The following AFF2 variants were observed in gnomAD, a reference collection of about 807,000 sequenced individuals.
AFF2 encodes the protein ALF transcription elongation factor 2.
AFF2 carries 14 observed loss-of-function variants against 76.9 expected under a neutral mutation model. The ratio of observed to expected loss-of-function variants is 0.18; its 90% CI spans 0.12 to 0.28. The LOEUF (loss-of-function observed/expected upper bound fraction) is 0.28. Ranked by LOEUF, AFF2 falls within the 10% of genes least tolerant of loss-of-function variation. The pLI is 1.00. For synonymous variants in AFF2, 398 were observed against 366.7 expected (o/e 1.09, Z -0.98); for missense variants, 868 against 1,001.1 (o/e 0.87, Z 1.79).
At chrX:148,837,598 T>C in intron 4 of AFF2, 49 bp from the exon 5 acceptor site, 1 of 800,847 alleles carries the variant, frequency 1.2e-6, no homozygotes, top group Non-Finnish European at 1.9e-6. Flanking sequence ...AGAAAGGGCT[T>C]GATTTTTTAA....
intron 3 of AFF2, among the ~76,000 whole-genome samples, chrX:148,778,407 G>C (rs185014385): frequency 9.0e-6 from 1 of 111,322 alleles, no homozygotes; most frequent in Non-Finnish European, 1.9e-5. Context: ...CTGTTGTTTG[G>C]AATGATTTCA....
chrX:148,903,399 A>C (rs1557281081), intron 8 of AFF2, among the ~76,000 whole-genome samples: 1 of 112,378 alleles, frequency 8.9e-6, no homozygotes, highest in Non-Finnish European at 1.9e-5. Context: ...GAAGAATCGA[A>C]GGAGATGAAA....
rs1557292802 is a variant in AFF2 at position 148,994,778 on chromosome X, T to A, written c.*3446T>A. The A allele has an allele frequency of 8.9e-6, 1 of 112,255 alleles. No homozygotes were observed. Among genetic ancestry groups the A allele is most frequent in the African/African-American group, 3.2e-5 (1 of 30,826 alleles). The allele number at this position is 112,255 out of a possible 1,213,427, so 9.3% of individuals were successfully genotyped here. ...GGATTCTGTTTCATGCAAATTTGCA[T>A]CCCGGAGGTTGAAGTTGGAGTTTGA... is the stretch of plus-strand genomic sequence containing the variant. On this transcript the variant is annotated 3_prime_UTR_variant, in exon 21 of 21. Coordinates refer to ENST00000370460, the MANE Select transcript of AFF2 (RefSeq NM_002025.4).
chrX:148,649,027 C>G (rs1233598148), intron 1 of AFF2, among the ~76,000 whole-genome samples: 1 of 111,283 alleles, frequency 9.0e-6, no homozygotes, highest in Non-Finnish European at 1.9e-5. Context: ...ATGATTAATT[C>G]AGGTTTTTGG....
At chrX:148,654,607 A>AGG (rs2054233144) in intron 2 of AFF2, among the ~76,000 whole-genome samples, 1 of 109,658 alleles carries the variant, frequency 9.1e-6, no homozygotes, top group African/African-American at 3.3e-5. Flanking sequence ...CAGGAGAGAA[A>AGG]GGTGAGGCTA....
intron 9 of AFF2, among the ~76,000 whole-genome samples, chrX:148,934,597 G>A (rs1309363587): frequency 8.9e-6 from 1 of 112,185 alleles, no homozygotes; most frequent in African/African-American, 3.2e-5. Flanking sequence ...AGTAGTAAAA[G>A]ATCATACAGC....
Position 148,968,775 on chromosome X carries a change from T to C in AFF2, c.3267+1083T>C, listed in dbSNP as rs1489331164. Among the ~76,000 whole-genome samples, 3 of 112,322 alleles carry C rather than the reference T, an allele frequency of 2.7e-5. No homozygotes were observed. The Admixed American group carries it at 2.8e-4, about 11-fold the overall frequency. On this transcript the variant is annotated intron_variant, in intron 15 of 20. Transcript: ENST00000370460. ...TGTAAATTGTTCCTTAGAAGCAATT[T>C]TCCCCTGCTCCTGCAGACAAAAATG...
rs1346749610 is a variant in AFF2, at chrX:148,718,758, A to G, written c.1041+55990A>G. 2.7e-5 allele frequency among the ~76,000 whole-genome samples: 3 copies of G among 111,224 alleles called. No homozygotes were observed. The East Asian group carries it at 8.6e-4, about 32-fold the overall frequency. On this transcript the variant is annotated intron_variant, in intron 3 of 20. Transcript: ENST00000370460. ...GTCTCTGAGCCCCTTGAGAAAAGGG[A>G]AACCTGTTTTATTCATCTCTGTATC... is the stretch of plus-strand genomic sequence containing the variant.
At chrX:148,744,565 T>C (rs1413031836) in intron 3 of AFF2, among the ~76,000 whole-genome samples, 1 of 111,358 alleles carries the variant, frequency 9.0e-6, no homozygotes, top group Non-Finnish European at 1.9e-5. Flanking sequence ...CTTTTCATCA[T>C]GTCATTAGAT....
intron 1 of AFF2, among the ~76,000 whole-genome samples, chrX:148,542,747 A>G (rs1253107690): frequency 1.8e-5 from 2 of 111,779 alleles, no homozygotes; most frequent in Non-Finnish European, 3.8e-5. Flanking sequence ...TATATTTATG[A>G]GTTCCTCTAG....
chrX:148,912,712 T>A (rs782594858), intron 9 of AFF2, among the ~76,000 whole-genome samples: 1 of 112,473 alleles, frequency 8.9e-6, no homozygotes, highest in South Asian at 3.8e-4. Context: ...GGCTCCTATG[T>A]CTCTTTTACA....
chrX:148,851,690 A>G (rs1223145625), intron 7 of AFF2, among the ~76,000 whole-genome samples: 1 of 112,031 alleles, frequency 8.9e-6, no homozygotes, highest in South Asian at 3.7e-4. Context: ...CACTTTATAA[A>G]AATTCCAGAT....
chrX:148,509,042 T>G (rs2052454171), intron 1 of AFF2, among the ~76,000 whole-genome samples: 1 of 111,716 alleles, frequency 9.0e-6, no homozygotes, highest in African/African-American at 3.3e-5. Flanking sequence ...AAGAACTGTT[T>G]GTATTGCCTA....
chrX:148,980,651 C>A, intron 18 of AFF2, 87 bp from the exon 19 acceptor site: 1 of 767,614 alleles, frequency 1.3e-6, no homozygotes. Flanking sequence ...TATTAATGTA[C>A]TCTAAATCAC....
chrX:148,908,844 A>G (rs781945202), intron 9 of AFF2, among the ~76,000 whole-genome samples: 4 of 112,235 alleles, frequency 3.6e-5, no homozygotes, highest in African/African-American at 1.3e-4. Context: ...GCATAAATAA[A>G]GTTTTATTGG....
At chrX:148,711,164 G>A (rs1331980133) in intron 3 of AFF2, among the ~76,000 whole-genome samples, 2 of 111,434 alleles carry the variant, frequency 1.8e-5, no homozygotes, top group Admixed American at 9.6e-5. Flanking sequence ...TCCTTTGCTT[G>A]AATATATCAT....
chrX:148,520,322 C>T (rs1043408641), intron 1 of AFF2, among the ~76,000 whole-genome samples: 1 of 112,030 alleles, frequency 8.9e-6, no homozygotes, highest in Non-Finnish European at 1.9e-5. Flanking sequence ...TGAAAATAAA[C>T]TTTTGCAAAC....
chrX:148,958,043 G>A (rs1353187509), intron 11 of AFF2, among the ~76,000 whole-genome samples: 1 of 111,734 alleles, frequency 8.9e-6, no homozygotes, highest in Non-Finnish European at 1.9e-5. Flanking sequence ...TCCAAAAATT[G>A]TATTAATAGA....
At chrX:148,965,703 CT>C (rs2072163949) in intron 13 of AFF2, among the ~76,000 whole-genome samples, 1 of 112,371 alleles carries the variant, frequency 8.9e-6, no homozygotes, top group African/African-American at 3.2e-5. Context: ...AAGATGGTCA[CT>C]GTAGGCTGGA....
Sources: gnomAD v4.1 joint callset for allele counts (sites outside exome capture counted in the v4.1 genomes callset) on GRCh38, gnomAD v4.1.1 for gene constraint, MANE v1.5 for transcripts, NCBI Gene and HGNC (gene_info 2026-07-23, HGNC 2026-07-21) for gene names.